MTA3: variants seen among roughly 807,000 people sequenced by gnomAD.
The protein encoded by MTA3 is metastasis associated 1 family member 3.
Under a neutral mutation model 83.5 loss-of-function variants are expected in MTA3, and 34 were observed. The observed-to-expected ratio is 0.41, with a 90% CI of 0.31 to 0.54. MTA3 has a LOEUF of 0.54. Among genes scored for constraint, MTA3 ranks in the 20% least tolerant of loss-of-function variants. The pLI is 0.33. For missense variants in MTA3, 761 were observed against 726.4 expected (o/e 1.05, Z -0.55); for synonymous variants, 303 against 252.7 (o/e 1.20, Z -1.89).
intron 15 of MTA3, among the ~76,000 whole-genome samples, chr2:42,720,951 C>CAAAAAAAAAA (rs377702701): frequency 1.7e-3 from 117 of 69,228 alleles, no homozygotes; most frequent in East Asian, 2.9e-3. Context: ...GACCCTGTCT[C>CAAAAAAAAAA]AAAAAAAAAA....
chr2:42,659,470 C>G (rs191795330), intron 7 of MTA3: 1 of 163,992 alleles, frequency 6.1e-6, no homozygotes, highest in East Asian at 1.6e-4. Flanking sequence ...ATGTTTTACT[C>G]CATGACATGT....
intron 14 of MTA3, chr2:42,712,997 A>C (rs1666751877): frequency 6.6e-6 from 1 of 152,228 alleles, no homozygotes; most frequent in African/African-American, 2.4e-5. Flanking sequence ...AGAATCATCC[A>C]AACACCTGAT....
At chr2:42,615,579 C>T (rs1684766064) in intron 4 of MTA3, among the ~76,000 whole-genome samples, 1 of 151,912 alleles carries the variant, frequency 6.6e-6, no homozygotes, top group African/African-American at 2.4e-5. Flanking sequence ...TGGTCTTGAT[C>T]TCATGACCTT....
At chr2:42,563,817 TTCCTTCC>T (rs1435513140), upstream of MTA3, among the ~76,000 whole-genome samples, 5 of 149,048 alleles carry the variant, frequency 3.4e-5, no homozygotes, top group African/African-American at 1.2e-4. Flanking sequence ...CCTTCCTTCC[TTCCTTCC>T]TTCCTTCCTT....
At chr2:42,607,751 G>T (rs975214121) in intron 3 of MTA3, among the ~76,000 whole-genome samples, 1 of 152,178 alleles carries the variant, frequency 6.6e-6, no homozygotes, top group Non-Finnish European at 1.5e-5. Context: ...AGGAGTTCGA[G>T]ATCAGCCTGG....
At chr2:42,595,312 G>A (rs551256586) in intron 3 of MTA3, among the ~76,000 whole-genome samples, 4 of 150,520 alleles carry the variant, frequency 2.7e-5, no homozygotes, top group African/African-American at 9.7e-5. Context: ...GGGTTTCACC[G>A]TGTTAGCCAG....
intron 9 of MTA3, among the ~76,000 whole-genome samples, chr2:42,684,086 G>C (rs1308306882): frequency 6.6e-6 from 1 of 152,012 alleles, no homozygotes; most frequent in African/African-American, 2.4e-5. Context: ...CATGCAGTGG[G>C]GTAAATACCA....
chr2:42,718,769 A>C (rs187782532), intron 14 of MTA3, among the ~76,000 whole-genome samples: 30 of 152,266 alleles, frequency 2.0e-4, no homozygotes, highest in African/African-American at 5.1e-4. Flanking sequence ...TCTCAAAATA[A>C]TACTACTACT....
intron 3 of MTA3, among the ~76,000 whole-genome samples, chr2:42,598,513 T>G (rs1441711632): frequency 1.3e-5 from 2 of 152,204 alleles, no homozygotes; most frequent in Non-Finnish European, 2.9e-5. Flanking sequence ...ACCCTCTGTA[T>G]TTTTTGGTTG....
intron 4 of MTA3, among the ~76,000 whole-genome samples, chr2:42,623,874 G>A (rs1488371440): frequency 6.6e-6 from 1 of 152,020 alleles, no homozygotes; most frequent in East Asian, 1.9e-4. Context: ...TGTATTTTAA[G>A]TAGAGACGGG....
chr2:42,603,864 C>G (rs1036728286), intron 3 of MTA3, among the ~76,000 whole-genome samples: 17 of 152,088 alleles, frequency 1.1e-4, no homozygotes, highest in African/African-American at 4.1e-4. Context: ...CATTCTCCTG[C>G]CTCAGCCTCC....
In MTA3 at chr2:42,746,103, C is replaced by A. The variant is rs552029077; in HGVS notation, c.1760-7271C>A. 2.0e-5 allele frequency among the ~76,000 whole-genome samples: 3 copies of A among 152,208 alleles called. No individual in the cohort carries two copies. The South Asian group carries it at 6.2e-4, about 32-fold the overall frequency. ...CTGGGATTACAGGCGTGAGCCACTG[C>A]GCCCTGCCAAAATGGTCCTCTTTAT... On this transcript the variant is annotated intron_variant, in intron 16 of 16. Coordinates refer to ENST00000405094, the MANE Select transcript of MTA3 (RefSeq NM_001330442.2).
chr2:42,525,625 A>T (rs66753098), intron 2 of MTA3, among the ~76,000 whole-genome samples: 4,527 of 109,544 alleles, frequency 0.041, 289 homozygotes, highest in Admixed American at 0.21. Context: ...CTTCCTTCCT[A>T]CTTTCTTTCT....
intron 14 of MTA3, among the ~76,000 whole-genome samples, chr2:42,714,552 C>A (rs1666889989): frequency 6.6e-6 from 1 of 152,078 alleles, no homozygotes; most frequent in Admixed American, 6.5e-5. Context: ...CTCACTGCCC[C>A]CAGTATTTCC....
At chr2:42,524,480 T>TTG (rs1558413239) in intron 2 of MTA3, among the ~76,000 whole-genome samples, 2 of 115,356 alleles carry the variant, frequency 1.7e-5, no homozygotes, top group African/African-American at 6.8e-5. Context: ...GTGTTTTTTT[T>TTG]TTTTTTTTTT....
intron 9 of MTA3, among the ~76,000 whole-genome samples, chr2:42,691,132 C>T (rs1377855228): frequency 1.3e-5 from 2 of 152,068 alleles, no homozygotes; most frequent in Non-Finnish European, 2.9e-5. Flanking sequence ...CCGCCTCGGC[C>T]TCCCAAAGTG....
chr2:42,552,637 AAAG>A (rs1167406002), intron 2 of MTA3, among the ~76,000 whole-genome samples: 25 of 151,702 alleles, frequency 1.6e-4, no homozygotes, highest in East Asian at 1.4e-3. Flanking sequence ...AAAAAAAAAA[AAAG>A]AAGAAGAAGA....
At chr2:42,646,774 G>A (rs1688228156) in intron 6 of MTA3, among the ~76,000 whole-genome samples, 1 of 152,132 alleles carries the variant, frequency 6.6e-6, no homozygotes. Context: ...TGTGAACACT[G>A]TTGAAATGGC....
intron 2 of MTA3, among the ~76,000 whole-genome samples, chr2:42,547,207 A>C (rs1017227869): frequency 1.3e-5 from 2 of 152,264 alleles, no homozygotes; most frequent in Non-Finnish European, 2.9e-5. Context: ...CAGCCGGCAG[A>C]ATCACAGCAG....
Sources: allele counts gnomAD v4.1 joint callset (sites outside exome capture counted in the v4.1 genomes callset), GRCh38; gene constraint gnomAD v4.1.1; transcripts MANE v1.5; gene names NCBI Gene and HGNC (gene_info 2026-07-23, HGNC 2026-07-21).